The following CDH18 variants were observed in gnomAD, a reference collection of about 807,000 sequenced individuals.
The protein encoded by CDH18 is cadherin 18.
Under a neutral mutation model 67.9 loss-of-function variants are expected in CDH18, and 31 were observed. The ratio of observed to expected loss-of-function variants is 0.46; its 90% confidence interval spans 0.34 to 0.62. CDH18 has a LOEUF of 0.62. CDH18 is among the 20% of genes least tolerant of loss of function. The probability of loss-of-function intolerance (pLI) is 0.01; values close to 1 mark genes in which losing one functional copy is unlikely to be tolerated. For synonymous variants in CDH18, 362 were observed against 347.2 expected, an observed-to-expected ratio of 1.04 and a Z score of -0.48; for missense variants, 890 against 975.5, an observed-to-expected ratio of 0.91 and a Z score of 1.17.
At chr5:19,660,947 T>C (rs1757074813) in intron 5 of CDH18, among the ~76,000 whole-genome samples, 1 of 150,220 alleles carries the variant, frequency 6.7e-6, no homozygotes, top group Non-Finnish European at 1.5e-5. Context: ...TAAGCAACAA[T>C]AGAAAACTAA....
At chr5:19,480,174 G>A (rs1044266463) in intron 12 of CDH18, among the ~76,000 whole-genome samples, 2 of 151,898 alleles carry the variant, frequency 1.3e-5, no homozygotes, top group Non-Finnish European at 2.9e-5. Context: ...AAATCCCTGC[G>A]TTCTATTCTC....
At chr5:20,056,486 T>TG in intron 2 of CDH18, among the ~76,000 whole-genome samples, 1 of 132,190 alleles carries the variant, frequency 7.6e-6, no homozygotes, top group Admixed American at 7.5e-5. Flanking sequence ...TTGTTTTTTT[T>TG]TTTTTTTTTT....
chr5:19,603,342 A>G (rs1747470963), intron 6 of CDH18, among the ~76,000 whole-genome samples: 1 of 152,134 alleles, frequency 6.6e-6, no homozygotes, highest in African/African-American at 2.4e-5. Flanking sequence ...TTGAATAACC[A>G]GAGACTCAGG....
intron 2 of CDH18, among the ~76,000 whole-genome samples, chr5:19,865,038 G>C (rs1175423772): frequency 2.0e-5 from 3 of 152,112 alleles, no homozygotes; most frequent in Non-Finnish European, 2.9e-5. Context: ...TGCCCACAAT[G>C]ACCAGATGCA....
At chr5:20,298,277 A>G (rs972837343) in intron 1 of CDH18, among the ~76,000 whole-genome samples, 2 of 152,214 alleles carry the variant, frequency 1.3e-5, no homozygotes, top group African/African-American at 4.8e-5. Context: ...TTTTGTTTTT[A>G]TCATGCCCTG....
At chr5:20,327,927 A>C (rs987447510) in intron 1 of CDH18, among the ~76,000 whole-genome samples, 9 of 152,160 alleles carry the variant, frequency 5.9e-5, no homozygotes, top group Non-Finnish European at 1.3e-4. Context: ...TTGAGATAAA[A>C]GAAAAAGTCT....
intron 9 of CDH18, among the ~76,000 whole-genome samples, chr5:19,531,107 T>A (rs1018161258): frequency 6.6e-6 from 1 of 152,126 alleles, no homozygotes; most frequent in African/African-American, 2.4e-5. Context: ...CCACCTCCAA[T>A]AAATTGTAAT....
At chr5:20,072,987 A>G (rs1267230392) in intron 2 of CDH18, among the ~76,000 whole-genome samples, 1 of 151,982 alleles carries the variant, frequency 6.6e-6, no homozygotes, top group Non-Finnish European at 1.5e-5. Context: ...TAATATGAGG[A>G]TAACAGAAAT....
intron 1 of CDH18, among the ~76,000 whole-genome samples, chr5:20,457,494 C>G (rs1259200609): frequency 6.6e-6 from 1 of 152,126 alleles, no homozygotes; most frequent in Non-Finnish European, 1.5e-5. Context: ...AGTAACCCAC[C>G]TAGAGCCATG....
chr5:20,106,112 T>C (rs1291788828), intron 2 of CDH18, among the ~76,000 whole-genome samples: 6 of 152,128 alleles, frequency 3.9e-5, no homozygotes, highest in Admixed American at 2.0e-4. Context: ...TGGCAGAAGA[T>C]CATAAAGCAG....
At chr5:19,720,792 T>C (rs78758253) in intron 5 of CDH18, among the ~76,000 whole-genome samples, 1,886 of 152,306 alleles carry the variant, frequency 0.012, 37 homozygotes, top group African/African-American at 0.043. Context: ...ATTTTAATTC[T>C]TTTTTGGTAA....
chr5:19,815,836 C>T (rs190129551), intron 3 of CDH18, among the ~76,000 whole-genome samples: 49 of 151,844 alleles, frequency 3.2e-4, no homozygotes, highest in Admixed American at 2.1e-3. Flanking sequence ...TTTTCCTTAC[C>T]CTCTGTTTCT....
At chr5:19,692,499 T>C (rs1461728410) in intron 5 of CDH18, among the ~76,000 whole-genome samples, 1 of 151,978 alleles carries the variant, frequency 6.6e-6, no homozygotes. Flanking sequence ...AAATGACTAA[T>C]AGTCATAATA....
At chr5:19,793,037 G>A (rs963875276) in intron 3 of CDH18, among the ~76,000 whole-genome samples, 1 of 151,966 alleles carries the variant, frequency 6.6e-6, no homozygotes, top group African/African-American at 2.4e-5. Context: ...TCTGACCCTG[G>A]GTAATCAATG....
intron 1 of CDH18, among the ~76,000 whole-genome samples, chr5:20,570,526 G>T (rs1758758024): frequency 6.6e-6 from 1 of 152,058 alleles, no homozygotes; most frequent in Admixed American, 6.6e-5. Flanking sequence ...TAGTATATCT[G>T]GTAGACAGGT....
In CDH18 at chr5:19,681,820, T is replaced by TA. The variant is rs200833416; in HGVS notation, c.643+39526dup. 1.8e-3 allele frequency among the ~76,000 whole-genome samples: 277 copies of TA among 151,966 alleles called. 3 individuals carry two copies. In the East Asian group the frequency reaches 0.038, roughly 21 times the overall value. On this transcript the variant is annotated intron_variant, in intron 5 of 12. Coordinates refer to ENST00000382275, the MANE Select transcript of CDH18 (RefSeq NM_004934.5). ...TTTACCTCAATTATTTGTCATATCA[T>TA]AAAAAAAATCTCTGTGGTCATCATT...
At chr5:19,656,263 C>T (rs887328746) in intron 5 of CDH18, among the ~76,000 whole-genome samples, 1 of 151,964 alleles carries the variant, frequency 6.6e-6, no homozygotes, top group Non-Finnish European at 1.5e-5. Flanking sequence ...ACCATATCTT[C>T]TAAAGTCTAG....
At chr5:20,060,354 C>T (rs1444855780) in intron 2 of CDH18, among the ~76,000 whole-genome samples, 1 of 151,966 alleles carries the variant, frequency 6.6e-6, no homozygotes, top group East Asian at 1.9e-4. Flanking sequence ...ATACCAGCTA[C>T]TCAGGAGGCT....
chr5:19,479,671 T>C (rs541275822), intron 12 of CDH18, among the ~76,000 whole-genome samples: 34 of 152,244 alleles, frequency 2.2e-4, no homozygotes, highest in Admixed American at 1.4e-3. Flanking sequence ...TATCCGGAAA[T>C]TTATATCTAG....
Sources: gnomAD v4.1 joint callset for allele counts (sites outside exome capture counted in the v4.1 genomes callset) on GRCh38, gnomAD v4.1.1 for gene constraint, MANE v1.5 for transcripts, NCBI Gene and HGNC (gene_info 2026-07-23, HGNC 2026-07-21) for gene names.